HADHB: variants seen among roughly 807,000 people sequenced by gnomAD.
HADHB encodes hydroxyacyl-CoA dehydrogenase trifunctional multienzyme complex subunit beta.
In HADHB, 50 loss-of-function variants were observed where a neutral mutation model predicts 61.9. That is an observed-to-expected ratio of 0.81 (90% CI 0.64 to 1.02). The LOEUF (loss-of-function observed/expected upper bound fraction) is 1.02. HADHB is among the 50% of genes least tolerant of loss of function. HADHB has a pLI of 0.00. For missense variants in HADHB, 504 were observed against 586.5 expected (o/e 0.86, Z 1.45); for synonymous variants, 191 against 201.6 (o/e 0.95, Z 0.45).
Position 26,278,679 on chromosome 2 carries a change from G to C in HADHB, c.508G>C (p.Asp170His), listed in dbSNP as rs35274385. 6.2e-7 allele frequency: 1 copy of C among 1,613,984 alleles called. No individual in the cohort carries two copies. Among genetic ancestry groups the C allele is most frequent in the East Asian group, 2.2e-5 (1 of 44,888 alleles). Residue 170 changes from aspartate (D) to histidine (H), a missense_variant, in exon 8 of 16, where the codon GAT (aspartate) becomes CAT (histidine). Asp to His is a moderately conservative substitution (Grantham distance 81). Transcript: ENST00000317799. ...GGCAGGTGGTGTTGAGTTGATGTCCGATGTCCCTATTCGTCACTCAAGGAA... is the reference window on the plus strand; with the variant it reads ...GGCAGGTGGTGTTGAGTTGATGTCCCATGTCCCTATTCGTCACTCAAGGAA... The part of the protein sequence containing the change: ...IVAGGVELMS[D>H]VPIRHSRKMR...
chr2:26,248,813 T>G (rs758439882), intron 1 of HADHB, among the ~76,000 whole-genome samples: 6 of 152,098 alleles, frequency 3.9e-5, no homozygotes, highest in Non-Finnish European at 8.8e-5. Flanking sequence ...TCCCAGCACT[T>G]TGGGAGGCAG....
chr2:26,268,854 A>C (rs1249064410), intron 4 of HADHB, among the ~76,000 whole-genome samples: 1 of 152,158 alleles, frequency 6.6e-6, no homozygotes, highest in Admixed American at 6.5e-5. Context: ...GTATTAGAAA[A>C]AGCAGGGGAA....
intron 15 of HADHB, among the ~76,000 whole-genome samples, chr2:26,288,979 C>T (rs1435468957): frequency 6.6e-6 from 1 of 152,058 alleles, no homozygotes; most frequent in African/African-American, 2.4e-5. Flanking sequence ...TGGCCGGGCA[C>T]AGTGGCTCAT....
intron 15 of HADHB, among the ~76,000 whole-genome samples, chr2:26,286,607 A>G (rs1673041822): frequency 6.6e-6 from 1 of 151,814 alleles, no homozygotes; most frequent in African/African-American, 2.4e-5. Context: ...AGTTCAAGCG[A>G]TTCTCCTGTC....
At chr2:26,277,005 G>A (rs1672553857) in intron 6 of HADHB, 68 bp from the exon 7 acceptor site, 1 of 817,492 alleles carries the variant, frequency 1.2e-6, no homozygotes, top group Non-Finnish European at 2.2e-6. Flanking sequence ...GAAGATTAGT[G>A]CTCAAAGCAT....
intron 4 of HADHB, among the ~76,000 whole-genome samples, chr2:26,268,533 C>T (rs950529788): frequency 6.6e-6 from 1 of 152,134 alleles, no homozygotes; most frequent in Non-Finnish European, 1.5e-5. Context: ...TATCATGTGC[C>T]CCCTGATACG....
At chr2:26,269,592 A>G (rs987219658) in intron 4 of HADHB, among the ~76,000 whole-genome samples, 3 of 152,256 alleles carry the variant, frequency 2.0e-5, no homozygotes, top group Admixed American at 6.5e-5. Context: ...TGTAGGCATT[A>G]CAAAATAAAT....
intron 5 of HADHB, among the ~76,000 whole-genome samples, chr2:26,271,659 GGT>G (rs1468720259): frequency 6.6e-6 from 1 of 152,048 alleles, no homozygotes; most frequent in African/African-American, 2.4e-5. Context: ...AGCTAGGCAT[GGT>G]GTCTTACACC....
Position 26,283,046 on chromosome 2 carries a change from AC to A in HADHB, c.1057del (p.Gly354AspfsTer10). The A allele has an allele frequency of 6.2e-7, 1 of 1,604,038 alleles. No homozygotes were observed. Among genetic ancestry groups the A allele is most frequent in the South Asian group, 1.1e-5 (1 of 90,858 alleles). On this transcript the variant is annotated frameshift_variant, in exon 12 of 16. Transcript: ENST00000317799. LOFTEE classifies it high-confidence loss of function. ...CTCAGGATCCAAAAGATCAACTATTACTTGGGTAGGTAGCAGTTTGTATCCT... is the reference window on the plus strand; with the variant it reads ...CTCAGGATCCAAAAGATCAACTATTATTGGGTAGGTAGCAGTTTGTATCCT... Reference protein sequence around the residue: ...VSQDPKDQLLLGPTYATPKVL... With the variant: ...VSQDPKDQLLXGPTYATPKVL...
rs767680257 is a variant in HADHB, at chr2:26,273,663, T to A, written c.267T>A (p.His89Gln). 9 of 1,593,942 alleles carry A rather than the reference T, an allele frequency of 5.6e-6. No homozygotes were observed. Among genetic ancestry groups the A allele is most frequent in the African/African-American group, 2.7e-5 (2 of 74,518 alleles). ...LARAALTGLL[H>Q]RTSVPKEVVD... Reference sequence around the variant, plus strand: ...TTTCTACTTCCAGGGGTTTGTTGCATCGGACCAGTGTCCCTAAGGAAGTAG... The same window carrying A: ...TTTCTACTTCCAGGGGTTTGTTGCAACGGACCAGTGTCCCTAAGGAAGTAG... The change falls in exon 6 of 16, where the codon CAT becomes CAA. Residue 89 changes from histidine (H) to glutamine (Q), a missense_variant. His to Gln is a conservative substitution (Grantham distance 24, BLOSUM62 0). Transcript: ENST00000317799.
chr2:26,288,211 G>A (rs1490386746), intron 15 of HADHB, among the ~76,000 whole-genome samples: 6 of 152,128 alleles, frequency 3.9e-5, no homozygotes, highest in South Asian at 4.1e-4. Context: ...GCTGTAGTGC[G>A]CTGTATTCAC....
At chr2:26,279,015 C>G (rs1672673594) in intron 8 of HADHB, 120 bp from the exon 9 acceptor site, 3 of 971,168 alleles carry the variant, frequency 3.1e-6, no homozygotes, top group South Asian at 1.3e-5. Flanking sequence ...TTGTCTTGGA[C>G]TTGATTGATT....
chr2:26,261,221 C>G lies in HADHB; in HGVS notation c.110-2159C>G, dbSNP rs979607333. The G allele has an allele frequency of 2.7e-5, 13 of 475,572 alleles. No homozygotes were observed. In the Admixed American group the frequency reaches 2.9e-4, roughly 11 times the overall value. 29.5% of individuals were successfully genotyped at this position (475,572 alleles called of 1,614,324 possible). ...CAACAACACAACAAATACCCCCCCC[C>G]CATCCAGACAAACAAAAAAAGTATC... On this transcript the variant is annotated intron_variant, in intron 3 of 15. Coordinates refer to ENST00000317799, the MANE Select transcript of HADHB (RefSeq NM_000183.3).
In HADHB at chr2:26,269,933, T is replaced by TA. The variant is rs1255056784; in HGVS notation, c.210-19dup. 1 of 1,582,378 alleles carries TA rather than the reference T, an allele frequency of 6.3e-7. No homozygotes were observed. Among genetic ancestry groups the TA allele is most frequent in the Non-Finnish European group, 8.7e-7 (1 of 1,151,000 alleles). On this transcript the variant is annotated intron_variant, in intron 4 of 15. Transcript: ENST00000317799. ...GAAGCTCTAGGGTTTTGGTTTAAAT[T>TA]ACTGGTTTTCGTTCCCCAGATATAA...
At chr2:26,286,695 G>A (rs1208244434) in intron 15 of HADHB, among the ~76,000 whole-genome samples, 1 of 151,404 alleles carries the variant, frequency 6.6e-6, no homozygotes, top group African/African-American at 2.4e-5. Flanking sequence ...TAGTAGAGAC[G>A]GGGTTTCACC....
chr2:26,282,506 G>A (rs965467234), intron 10 of HADHB, among the ~76,000 whole-genome samples: 3 of 151,986 alleles, frequency 2.0e-5, no homozygotes, highest in East Asian at 1.9e-4. Flanking sequence ...TGATCTGCCC[G>A]CCTCAGCCTC....
intron 1 of HADHB, 82 bp from the exon 2 acceptor site, chr2:26,254,165 G>A (rs554089436): frequency 2.6e-6 from 2 of 768,828 alleles, no homozygotes; most frequent in East Asian, 2.4e-5. Context: ...CCATGGATGA[G>A]GTTATCAGAG....
At chr2:26,270,086 T>C in intron 5 of HADHB, 89 bp downstream of exon 5, 1 of 893,314 alleles carries the variant, frequency 1.1e-6, no homozygotes. Flanking sequence ...TGTTCTTATT[T>C]TAGCCATCTG....
intron 1 of HADHB, among the ~76,000 whole-genome samples, chr2:26,246,586 C>T (rs1197474209): frequency 6.6e-6 from 1 of 152,048 alleles, no homozygotes; most frequent in African/African-American, 2.4e-5. Flanking sequence ...GGTGATTCGC[C>T]CACCTCTGCC....
Sources: gnomAD v4.1 joint callset for allele counts (sites outside exome capture counted in the v4.1 genomes callset) on GRCh38, gnomAD v4.1.1 for gene constraint, MANE v1.5 for transcripts, NCBI Gene and HGNC (gene_info 2026-07-23, HGNC 2026-07-21) for gene names.